The following FARP2 variants were observed in gnomAD, a reference collection of about 807,000 sequenced individuals.
FARP2 encodes the protein FERM, ARHGEF and pleckstrin domain-containing protein 2.
Under a neutral mutation model 130.5 loss-of-function variants are expected in FARP2, and 111 were observed. That is an observed-to-expected ratio of 0.85 (90% confidence interval 0.73 to 1.00). The LOEUF (loss-of-function observed/expected upper bound fraction) is 1.00, where lower values mean the gene tolerates loss of function less well. Among genes scored for constraint, FARP2 ranks in the 50% least tolerant of loss-of-function variants. The probability of loss-of-function intolerance (pLI) is 0.00; values close to 1 mark genes in which losing one functional copy is unlikely to be tolerated. For synonymous variants in FARP2, 504 were observed against 516.9 expected (o/e 0.98, Z 0.34); for missense variants, 1,385 against 1,346.3 (o/e 1.03, Z -0.45).
At chr2:241,438,260 T>C (rs529241011) in intron 12 of FARP2, among the ~76,000 whole-genome samples, 1 of 152,266 alleles carries the variant, frequency 6.6e-6, no homozygotes, top group East Asian at 1.9e-4. Context: ...CTCATTATAT[T>C]AAAGGTCATG....
intron 14 of FARP2, among the ~76,000 whole-genome samples, chr2:241,457,171 T>G (rs1484043371): frequency 6.6e-6 from 1 of 152,202 alleles, no homozygotes; most frequent in East Asian, 1.9e-4. Context: ...TCCTTATTCA[T>G]TTAGCAAACG....
chr2:241,370,583 T>C (rs942446539), intron 1 of FARP2, among the ~76,000 whole-genome samples: 5 of 152,168 alleles, frequency 3.3e-5, no homozygotes, highest in African/African-American at 7.2e-5. Context: ...CCCATAAACA[T>C]GTACAATTAT....
intron 2 of FARP2, among the ~76,000 whole-genome samples, chr2:241,388,149 T>C (rs1165520691): frequency 6.6e-6 from 1 of 152,192 alleles, no homozygotes; most frequent in Admixed American, 6.5e-5. Context: ...AGAAAAAAGT[T>C]GGAGGACTCA....
intron 21 of FARP2, among the ~76,000 whole-genome samples, chr2:241,485,919 C>T (rs576415061): frequency 1.3e-5 from 2 of 152,316 alleles, no homozygotes; most frequent in Admixed American, 6.5e-5. Flanking sequence ...TTTCCCTGTT[C>T]TTTCTTCAAG....
At chr2:241,493,816 C>T (rs1161770982) in intron 26 of FARP2, 192 bp from the exon 27 acceptor site, 2 of 516,342 alleles carry the variant, frequency 3.9e-6, no homozygotes, top group Non-Finnish European at 6.9e-6. Flanking sequence ...AGGCTGGTCT[C>T]GAACTCCTGA....
intron 26 of FARP2, 111 bp downstream of exon 26, chr2:241,493,555 C>A: frequency 2.1e-6 from 2 of 930,336 alleles, no homozygotes; most frequent in South Asian, 1.5e-5. Context: ...AAAGGAAGGG[C>A]TGAGCAATGC....
intron 16 of FARP2, 96 bp downstream of exon 16, chr2:241,463,564 G>T: frequency 6.9e-7 from 1 of 1,438,870 alleles, no homozygotes; most frequent in South Asian, 1.3e-5. Flanking sequence ...ATTCAGAAGA[G>T]CCATTTTTTC....
intron 14 of FARP2, among the ~76,000 whole-genome samples, chr2:241,458,335 C>G (rs1235799399): frequency 1.3e-5 from 2 of 152,138 alleles, no homozygotes; most frequent in Admixed American, 6.5e-5. Context: ...TGTGACACCT[C>G]AGCACTCCTG....
Position 241,441,376 on chromosome 2 carries a change from C to T in FARP2, c.1231C>T (p.Pro411Ser), listed in dbSNP as rs2063379358. 6.2e-7 allele frequency: 1 copy of T among 1,614,092 alleles called. No homozygotes were observed. Among genetic ancestry groups the T allele is most frequent in the South Asian group, 1.1e-5 (1 of 91,094 alleles). ...SSANAFYSLS[P>S]STLVPSGLPE... Reference sequence around the variant, plus strand: ...AGCGAATGCCTTTTACTCGCTCTCTCCCTCCACTCTGGTCCCCTCTGGCCT... The same window carrying T: ...AGCGAATGCCTTTTACTCGCTCTCTTCCTCCACTCTGGTCCCCTCTGGCCT... The change falls in exon 13 of 27, where the codon CCC becomes TCC. Residue 411 changes from proline (P) to serine (S), a missense_variant. Coordinates refer to ENST00000264042, the MANE Select transcript of FARP2 (RefSeq NM_014808.4).
intron 13 of FARP2, among the ~76,000 whole-genome samples, chr2:241,453,360 T>A (rs4675954): frequency 1.9e-4 from 28 of 146,922 alleles, no homozygotes; most frequent in Admixed American, 8.1e-4. Context: ...CGGTGGCTCA[T>A]GCCTGTAATC....
chr2:241,482,615 G>A lies in FARP2; in HGVS notation c.2263-850G>A, dbSNP rs146737239. 3.9e-5 allele frequency among the ~76,000 whole-genome samples: 6 copies of A among 152,282 alleles called. No individual in the cohort carries two copies. The East Asian group carries it at 1.2e-3, about 29-fold the overall frequency. On this transcript the variant is annotated intron_variant, in intron 19 of 26. Transcript: ENST00000264042. This position sits in a 1 kb window ranked among gnomAD's most constrained non-coding sequence, Gnocchi z 4.6. ...TTCATTGTGTGGGGTGGACGTTTCT[G>A]TTTGGGCTGGTTTTTCATCCTGCGT...
chr2:241,397,530 T>C (rs1405267345), intron 2 of FARP2, among the ~76,000 whole-genome samples: 1 of 152,178 alleles, frequency 6.6e-6, no homozygotes, highest in Non-Finnish European at 1.5e-5. Flanking sequence ...TTCTGTGATA[T>C]GTATTCTGTT....
At position 241,491,485 on chromosome 2, in the gene FARP2, TC is replaced by T. The variant is rs761110227; in HGVS notation, c.2624-26del. Reference sequence around the variant, plus strand: ...TTGGCAAGCAGAGGCCACAGGGGGTTCCCCCTGAGACGCTGCTGACTTCTCC... The same window carrying T: ...TTGGCAAGCAGAGGCCACAGGGGGTTCCCCTGAGACGCTGCTGACTTCTCC... On this transcript the variant is annotated intron_variant, in intron 23 of 26. Coordinates refer to ENST00000264042, the MANE Select transcript of FARP2 (RefSeq NM_014808.4). 3.7e-6 allele frequency: 6 copies of T among 1,609,686 alleles called. No homozygotes were observed. The African/African-American group carries it at 6.7e-5, about 18-fold the overall frequency.
intron 2 of FARP2, among the ~76,000 whole-genome samples, chr2:241,384,051 G>A (rs2061726781): frequency 6.6e-6 from 1 of 151,162 alleles, no homozygotes; most frequent in Admixed American, 6.6e-5. Context: ...GCTGGGTCAT[G>A]GTGAATGCCA....
At chr2:241,361,564 T>G (rs1264540739) in intron 1 of FARP2, among the ~76,000 whole-genome samples, 1 of 152,134 alleles carries the variant, frequency 6.6e-6, no homozygotes, top group Non-Finnish European at 1.5e-5. Context: ...TAGAATATTT[T>G]GGGGGTAAAT....
chr2:241,406,877 G>A (rs547818633), intron 4 of FARP2, among the ~76,000 whole-genome samples: 8 of 151,858 alleles, frequency 5.3e-5, no homozygotes, highest in African/African-American at 9.7e-5. Context: ...GCACGATCGC[G>A]GCTCACTGCA....
At chr2:241,442,133 C>T (rs761731797) in intron 13 of FARP2, 6 of 423,902 alleles carry the variant, frequency 1.4e-5, no homozygotes, top group Non-Finnish European at 2.9e-5. Flanking sequence ...CCTTCTGAGA[C>T]CAGCTCACTG....
At chr2:241,439,959 A>AAAATAAAT (rs781346727) in intron 12 of FARP2, among the ~76,000 whole-genome samples, 81 of 152,282 alleles carry the variant, frequency 5.3e-4, no homozygotes, top group African/African-American at 1.8e-3. Flanking sequence ...CTTCATCTCA[A>AAAATAAAT]AAATAAATAA....
chr2:241,442,315 G>A (rs1337546025), intron 13 of FARP2: 2 of 456,606 alleles, frequency 4.4e-6, no homozygotes, highest in Admixed American at 2.3e-5. Flanking sequence ...TGACATCATC[G>A]ACCAGTTAGA....
Sources: gnomAD v4.1 joint callset for allele counts (sites outside exome capture counted in the v4.1 genomes callset) on GRCh38, gnomAD v4.1.1 for gene constraint, Gnocchi (gnomAD v3.1) non-coding constraint, MANE v1.5 for transcripts, NCBI Gene and HGNC (gene_info 2026-07-23, HGNC 2026-07-21) for gene names.